The following ASIC2 variants were observed in gnomAD, a reference collection of about 807,000 sequenced individuals.
ASIC2 encodes acid-sensing ion channel 2.
ASIC2 carries 25 observed loss-of-function variants against 57.3 expected under a neutral mutation model. The ratio of observed to expected loss-of-function variants is 0.44; its 90% confidence interval spans 0.32 to 0.61. The LOEUF is 0.61. ASIC2 is among the 20% of genes least tolerant of loss of function. The pLI is 0.06. For synonymous variants in ASIC2, 319 were observed against 307.5 expected (o/e 1.04, Z -0.39); for missense variants, 641 against 738.1 (o/e 0.87, Z 1.52).
At chr17:33,725,762 A>C (rs1909535927) in intron 1 of ASIC2, among the ~76,000 whole-genome samples, 1 of 132,822 alleles carries the variant, frequency 7.5e-6, no homozygotes, top group South Asian at 2.8e-4. Context: ...TTAGTTTCTT[A>C]ACTCAGAACC....
chr17:33,499,168 C>T (rs1217538648), intron 1 of ASIC2, among the ~76,000 whole-genome samples: 1 of 152,232 alleles, frequency 6.6e-6, no homozygotes, highest in Non-Finnish European at 1.5e-5. Context: ...GTCTACATCT[C>T]CTCTACCCTC....
At chr17:33,114,888 A>G (rs559740148) in intron 1 of ASIC2, among the ~76,000 whole-genome samples, 1 of 152,326 alleles carries the variant, frequency 6.6e-6, no homozygotes, top group East Asian at 1.9e-4. Context: ...CCACTTACAA[A>G]AAGAGGTGGA....
rs141870287 is a variant in ASIC2, at chr17:33,116,261, C to T, written c.709-4194G>A. Among the ~76,000 whole-genome samples, 1,000 of 152,338 alleles carry T rather than the reference C, an allele frequency of 6.6e-3. 6 individuals carry two copies. The highest frequency in any genetic ancestry group is 0.01 in the Non-Finnish European group (684 of 68,036). ...GAGGATTATTTTCCTCTCTGCTAAA[C>T]ATCAAAAGCCAGAGAGCTATTTACA... On this transcript the variant is annotated intron_variant, in intron 1 of 9. Transcript: ENST00000225823.
chr17:34,008,870 AG>A (rs1906617713), intron 1 of ASIC2, among the ~76,000 whole-genome samples: 1 of 152,206 alleles, frequency 6.6e-6, no homozygotes, highest in Non-Finnish European at 1.5e-5. Context: ...AAAAATGAAA[AG>A]TCTATCAGAG....
chr17:34,155,374 A>T (rs1485364003), intron 1 of ASIC2, among the ~76,000 whole-genome samples: 1 of 151,954 alleles, frequency 6.6e-6, no homozygotes, highest in Non-Finnish European at 1.5e-5. Flanking sequence ...TCCTCTCCCC[A>T]CATGGAGCTT....
At chr17:33,882,471 A>C (rs1914726189) in intron 1 of ASIC2, among the ~76,000 whole-genome samples, 1 of 152,260 alleles carries the variant, frequency 6.6e-6, no homozygotes, top group Non-Finnish European at 1.5e-5. Context: ...GACACTTCTC[A>C]AAAGAAGACA....
At chr17:33,978,778 T>C (rs1905490365) in intron 1 of ASIC2, among the ~76,000 whole-genome samples, 1 of 151,892 alleles carries the variant, frequency 6.6e-6, no homozygotes, top group Admixed American at 6.6e-5. Flanking sequence ...TAAGGAGTGT[T>C]AGGAAGGGCC....
chr17:33,173,038 C>T (rs1214931443), intron 1 of ASIC2, among the ~76,000 whole-genome samples: 1 of 152,186 alleles, frequency 6.6e-6, no homozygotes, highest in Admixed American at 6.5e-5. Flanking sequence ...GGACATTACT[C>T]ATTACTCCCT....
chr17:33,510,217 C>T (rs752006685), intron 1 of ASIC2, among the ~76,000 whole-genome samples: 1 of 152,190 alleles, frequency 6.6e-6, no homozygotes, highest in Non-Finnish European at 1.5e-5. Flanking sequence ...GACCTGTGAG[C>T]TAAATCTGAC....
intron 1 of ASIC2, among the ~76,000 whole-genome samples, chr17:33,120,869 A>G (rs144055711): frequency 4.6e-4 from 70 of 151,946 alleles, no homozygotes; most frequent in African/African-American, 1.5e-3. Context: ...ACTTAATGGG[A>G]GGTTTGGGTG....
chr17:33,041,567 G>A (rs992043803), intron 3 of ASIC2, among the ~76,000 whole-genome samples: 20 of 152,228 alleles, frequency 1.3e-4, no homozygotes, highest in South Asian at 6.2e-4. Context: ...CAGAGGATAA[G>A]TACAAGAGAC....
chr17:33,130,609 A>G (rs2092341763), intron 1 of ASIC2, among the ~76,000 whole-genome samples: 1 of 152,150 alleles, frequency 6.6e-6, no homozygotes, highest in South Asian at 2.1e-4. Context: ...CAACCCCCCA[A>G]GAGTCTGGGA....
chr17:33,129,382 T>C lies in ASIC2; in HGVS notation c.709-17315A>G, dbSNP rs2092336408. ...AACTAGGGGTATTTAGAATAGAAAA[T>C]AGCCGATTTAGAGAGAATCACGCCT... is the stretch of plus-strand genomic sequence containing the variant. On this transcript the variant is annotated intron_variant, in intron 1 of 9. Transcript: ENST00000225823. 3.9e-5 allele frequency among the ~76,000 whole-genome samples: 6 copies of C among 152,320 alleles called. No individual in the cohort carries two copies. In the South Asian group the frequency reaches 1.2e-3, roughly 32 times the overall value.
intron 1 of ASIC2, among the ~76,000 whole-genome samples, chr17:33,280,888 C>G (rs1532456): frequency 0.69 from 104,403 of 152,044 alleles, 35,980 homozygotes; most frequent in East Asian, 0.86. Context: ...TTCAAAGTGG[C>G]AAAATAATTT....
intron 1 of ASIC2, among the ~76,000 whole-genome samples, chr17:33,227,480 G>A (rs1017021136): frequency 6.6e-6 from 1 of 152,076 alleles, no homozygotes; most frequent in African/African-American, 2.4e-5. Context: ...GTGAGACCCA[G>A]TTCCCTTGGA....
rs140312371 is a variant in ASIC2 at position 33,958,784 on chromosome 17, G to A, written c.555+197194C>T. ...TAACATTTGGCTCCTCATTACTTAT[G>A]CAAATTTCTGCAGCTGGCTTGAATT... On this transcript the variant is annotated intron_variant, in intron 1 of 9. Coordinates refer to the ASIC2 transcript ENST00000359872. Among the ~76,000 whole-genome samples, 817 of 152,212 alleles carry A rather than the reference G, an allele frequency of 5.4e-3. 22 individuals carry two copies. In the South Asian group the frequency reaches 0.065, roughly 12 times the overall value.
At chr17:34,014,067 C>A (rs1008101876) in intron 1 of ASIC2, among the ~76,000 whole-genome samples, 1 of 152,174 alleles carries the variant, frequency 6.6e-6, no homozygotes, top group South Asian at 2.1e-4. Context: ...TCTCCTAGAG[C>A]TGCTCTTGGT....
chr17:33,234,802 AC>A (rs1908231367), intron 1 of ASIC2, among the ~76,000 whole-genome samples: 1 of 152,148 alleles, frequency 6.6e-6, no homozygotes, highest in African/African-American at 2.4e-5. Context: ...CCACCCCACG[AC>A]CTAATCACCT....
intron 1 of ASIC2, among the ~76,000 whole-genome samples, chr17:34,123,398 C>T (rs140927603): frequency 9.1e-4 from 139 of 152,282 alleles, no homozygotes; most frequent in African/African-American, 3.2e-3. Context: ...CACCTCCTGC[C>T]CTCCCTTTGT....
Sources: allele counts gnomAD v4.1 joint callset (sites outside exome capture counted in the v4.1 genomes callset), GRCh38; gene constraint gnomAD v4.1.1; transcripts MANE v1.5; gene names NCBI Gene and HGNC (gene_info 2026-07-23, HGNC 2026-07-21).